BCKDHB: variants seen among roughly 807,000 people sequenced by gnomAD.
BCKDHB encodes the protein 2-oxoisovalerate dehydrogenase subunit beta, mitochondrial.
Under a neutral mutation model 48.5 loss-of-function variants are expected in BCKDHB, and 41 were observed. The ratio of observed to expected loss-of-function variants is 0.85; its 90% CI spans 0.66 to 1.10. The LOEUF (loss-of-function observed/expected upper bound fraction) is 1.10, where lower values mean the gene tolerates loss of function less well. BCKDHB is among the 50% of genes least tolerant of loss of function. The probability of loss-of-function intolerance (pLI) is 0.00; values close to 1 mark genes in which losing one functional copy is unlikely to be tolerated. For missense variants in BCKDHB, 496 were observed against 494.2 expected (o/e 1.00, Z -0.03); for synonymous variants, 201 against 174.8 (o/e 1.15, Z -1.18).
the BCKDHB span, among the ~76,000 whole-genome samples, chr6:80,403,944 A>G: frequency 1.3e-5 from 2 of 151,986 alleles, no homozygotes; most frequent in South Asian, 2.1e-4. Context: ...ATCATGGTGT[A>G]TGATCCTTTT....
chr6:80,186,663 G>T lies in BCKDHB; in HGVS notation c.743-14271G>T, dbSNP rs188793409. Among the ~76,000 whole-genome samples the T allele has an allele frequency of 3.5e-4, 53 of 152,310 alleles. No individual in the cohort carries two copies. The East Asian group carries it at 9.5e-3, about 27-fold the overall frequency. On this transcript the variant is annotated intron_variant, in intron 6 of 9. Coordinates refer to ENST00000320393, the MANE Select transcript of BCKDHB (RefSeq NM_183050.4). ...TTGAACGTATTATGAAGTTCAGCTA[G>T]AAGCTTCTTTCATCCTATGGCCCCT... is the stretch of plus-strand genomic sequence containing the variant.
At chr6:80,303,412 A>T (rs949502861) in intron 9 of BCKDHB, among the ~76,000 whole-genome samples, 5 of 152,078 alleles carry the variant, frequency 3.3e-5, no homozygotes, top group African/African-American at 1.2e-4. Flanking sequence ...CTTAGAGAAC[A>T]TCCAACACAG....
the BCKDHB span, among the ~76,000 whole-genome samples, chr6:80,456,088 G>A: frequency 6.6e-6 from 1 of 152,064 alleles, no homozygotes; most frequent in South Asian, 2.1e-4. Flanking sequence ...GGTGATGGGC[G>A]CCTGTAGTCC....
At chr6:80,407,366 A>G in the BCKDHB span, among the ~76,000 whole-genome samples, 1 of 152,070 alleles carries the variant, frequency 6.6e-6, no homozygotes, top group African/African-American at 2.4e-5. Flanking sequence ...TATGAACTTT[A>G]GAGTAGTTTT....
chr6:80,268,235 G>A (rs1414865654), intron 8 of BCKDHB, among the ~76,000 whole-genome samples: 1 of 152,040 alleles, frequency 6.6e-6, no homozygotes, highest in African/African-American at 2.4e-5. Flanking sequence ...CTCAAAAAAT[G>A]TATCTAATTC....
intron 8 of BCKDHB, chr6:80,251,856 A>AT (rs1404619130): frequency 2.0e-5 from 3 of 152,190 alleles, no homozygotes; most frequent in African/African-American, 7.2e-5. Context: ...CTGTGTACAA[A>AT]TTTTTTATTG....
the BCKDHB span, among the ~76,000 whole-genome samples, chr6:80,427,977 A>G: frequency 6.6e-6 from 1 of 151,736 alleles, no homozygotes; most frequent in African/African-American, 2.4e-5. Context: ...GGTTTGCTGC[A>G]CCGTCACCTA....
chr6:80,164,536 T>C (rs959086602), intron 3 of BCKDHB, among the ~76,000 whole-genome samples: 1 of 152,236 alleles, frequency 6.6e-6, no homozygotes, highest in African/African-American at 2.4e-5. Context: ...TATTTTGTTT[T>C]TATTGCATTT....
intron 8 of BCKDHB, among the ~76,000 whole-genome samples, chr6:80,227,409 C>A (rs1775724283): frequency 6.6e-6 from 1 of 152,082 alleles, no homozygotes; most frequent in Admixed American, 6.5e-5. Flanking sequence ...TTTAAAATTG[C>A]ATTGGGATTA....
chr6:80,156,037 A>G (rs1772030267), intron 3 of BCKDHB, among the ~76,000 whole-genome samples: 1 of 151,996 alleles, frequency 6.6e-6, no homozygotes, highest in African/African-American at 2.4e-5. Flanking sequence ...AAAATTGAAC[A>G]GTGGAGTCAA....
At chr6:80,398,288 A>G in the BCKDHB span, among the ~76,000 whole-genome samples, 1 of 151,992 alleles carries the variant, frequency 6.6e-6, no homozygotes, top group Non-Finnish European at 1.5e-5. Flanking sequence ...AATGAATCCT[A>G]GATTGGTTTA....
chr6:80,334,447 T>C (rs1037304609), intron 9 of BCKDHB, among the ~76,000 whole-genome samples: 17 of 152,062 alleles, frequency 1.1e-4, no homozygotes, highest in African/African-American at 3.9e-4. Flanking sequence ...GGGGTTCAAT[T>C]AACAAATTTC....
chr6:80,268,916 C>G (rs1777621605), intron 8 of BCKDHB, among the ~76,000 whole-genome samples: 1 of 152,126 alleles, frequency 6.6e-6, no homozygotes, highest in African/African-American at 2.4e-5. Flanking sequence ...CAATTTGGAA[C>G]ATGCTACTTC....
intron 1 of BCKDHB, among the ~76,000 whole-genome samples, chr6:80,111,198 T>C (rs1769390939): frequency 6.6e-6 from 1 of 152,172 alleles, no homozygotes; most frequent in South Asian, 2.1e-4. Flanking sequence ...CCTACATAAG[T>C]AGTAAGGAAA....
intron 3 of BCKDHB, among the ~76,000 whole-genome samples, chr6:80,145,633 A>T (rs772809303): frequency 6.6e-6 from 1 of 152,164 alleles, no homozygotes; most frequent in Non-Finnish European, 1.5e-5. Context: ...GAAGCTGGCC[A>T]TTTAAAATAG....
At chr6:80,172,602 C>T (rs1201413040) in intron 6 of BCKDHB, among the ~76,000 whole-genome samples, 1 of 152,024 alleles carries the variant, frequency 6.6e-6, no homozygotes, top group Admixed American at 6.6e-5. Flanking sequence ...GCCAGCCTGC[C>T]AATAAATGCT....
chr6:80,172,310 A>G (rs1000221364), intron 6 of BCKDHB, among the ~76,000 whole-genome samples: 47 of 152,188 alleles, frequency 3.1e-4, no homozygotes, highest in Non-Finnish European at 5.4e-4. Context: ...TTAGTAAGGA[A>G]CATGGTCATT....
the BCKDHB span, among the ~76,000 whole-genome samples, chr6:80,430,604 T>G: frequency 6.6e-6 from 1 of 151,970 alleles, no homozygotes; most frequent in Non-Finnish European, 1.5e-5. Flanking sequence ...AGTTTATTTG[T>G]GTAGAGGTGT....
At chr6:80,219,314 C>T (rs1775308827) in intron 8 of BCKDHB, among the ~76,000 whole-genome samples, 1 of 151,756 alleles carries the variant, frequency 6.6e-6, no homozygotes, top group Admixed American at 6.6e-5. Context: ...TCAAGCTATT[C>T]TCCTGCCTCA....
Sources: gnomAD v4.1 joint callset for allele counts (sites outside exome capture counted in the v4.1 genomes callset) on GRCh38, gnomAD v4.1.1 for gene constraint, MANE v1.5 for transcripts, NCBI Gene and HGNC (gene_info 2026-07-23, HGNC 2026-07-21) for gene names.